The following LRRC7 variants were observed in gnomAD, a reference collection of about 807,000 sequenced individuals.
LRRC7 encodes the protein leucine-rich repeat-containing protein 7.
A neutral mutation model predicts 175.7 loss-of-function variants in LRRC7; 23 were observed. That is an observed-to-expected ratio of 0.13 (90% CI 0.09 to 0.19). LRRC7 has a LOEUF of 0.19. Among genes scored for constraint, LRRC7 ranks in the 10% least tolerant of loss-of-function variants. The pLI, the probability that LRRC7 is intolerant of heterozygous loss-of-function variation, is 1.00. For synonymous variants in LRRC7, 685 were observed against 680.9 expected, an observed-to-expected ratio of 1.01 and a Z score of -0.09; for missense variants, 1,354 against 1,904.7, an observed-to-expected ratio of 0.71 and a Z score of 5.38.
intron 23 of LRRC7, among the ~76,000 whole-genome samples, chr1:70,055,394 G>A (rs140326345): frequency 3.8e-4 from 58 of 152,304 alleles, no homozygotes; most frequent in Middle Eastern, 6.8e-3. Context: ...ATGAATTAGT[G>A]AGGAGAAAGA....
chr1:69,990,954 T>C (rs1303238512), intron 10 of LRRC7, among the ~76,000 whole-genome samples: 1 of 152,058 alleles, frequency 6.6e-6, no homozygotes, highest in Admixed American at 6.6e-5. Flanking sequence ...ATAGAGTTGG[T>C]TACCAGACTG....
intron 4 of LRRC7, among the ~76,000 whole-genome samples, chr1:69,797,525 C>G (rs2101081506): frequency 6.6e-6 from 1 of 152,318 alleles, no homozygotes; most frequent in Middle Eastern, 3.4e-3. Context: ...AATTCATTCT[C>G]TTCTTCAACT....
At chr1:69,814,255 A>C (rs1027698537) in intron 4 of LRRC7, among the ~76,000 whole-genome samples, 1 of 152,270 alleles carries the variant, frequency 6.6e-6, no homozygotes, top group Non-Finnish European at 1.5e-5. Flanking sequence ...CCCATTAGAT[A>C]TTTAAATAAA....
chr1:69,608,852 CTCTCTCTCTCTCTCTATATA>C (rs1279502624), intron 1 of LRRC7, among the ~76,000 whole-genome samples: 1,510 of 43,296 alleles, frequency 0.035, 4 homozygotes, highest in Admixed American at 0.056. Context: ...CTCTCTCTCT[CTCTCTCTCTCTCTCTATATA>C]TATATATATA....
intron 2 of LRRC7, among the ~76,000 whole-genome samples, chr1:69,744,490 G>C (rs1237641832): frequency 6.6e-6 from 1 of 151,846 alleles, no homozygotes; most frequent in East Asian, 1.9e-4. Context: ...TCTGTAGCTT[G>C]TTTTGTTCTC....
intron 2 of LRRC7, among the ~76,000 whole-genome samples, chr1:69,706,042 T>C (rs1367229227): frequency 1.3e-5 from 2 of 152,298 alleles, no homozygotes; most frequent in East Asian, 1.9e-4. Flanking sequence ...CTTTTCGTAA[T>C]TTCTTTGCTG....
chr1:69,956,333 A>G (rs1157719128), intron 8 of LRRC7, among the ~76,000 whole-genome samples: 2 of 151,792 alleles, frequency 1.3e-5, no homozygotes, highest in Non-Finnish European at 2.9e-5. Flanking sequence ...TCTTCTCCAC[A>G]CCCACACTCA....
intron 1 of LRRC7, among the ~76,000 whole-genome samples, chr1:69,615,811 A>C (rs969631036): frequency 6.6e-6 from 1 of 152,168 alleles, no homozygotes; most frequent in Admixed American, 6.6e-5. Context: ...AAGATTAAAA[A>C]ATGTATACAG....
At chr1:69,639,554 G>C (rs1368819620) in intron 1 of LRRC7, among the ~76,000 whole-genome samples, 1 of 151,768 alleles carries the variant, frequency 6.6e-6, no homozygotes, top group Non-Finnish European at 1.5e-5. Context: ...GAAGACAGGA[G>C]CCTTCCTGTA....
At chr1:69,819,965 G>GT (rs1325724696) in intron 4 of LRRC7, among the ~76,000 whole-genome samples, 1 of 151,870 alleles carries the variant, frequency 6.6e-6, no homozygotes, top group East Asian at 1.9e-4. Flanking sequence ...GTTGGGTCAT[G>GT]TTTTTTTCAC....
intron 7 of LRRC7, among the ~76,000 whole-genome samples, chr1:69,888,915 A>C (rs938778862): frequency 6.6e-6 from 1 of 152,162 alleles, no homozygotes; most frequent in Non-Finnish European, 1.5e-5. Flanking sequence ...AAGTACAGTC[A>C]TACCTCAGAG....
rs140980991 is a variant in LRRC7 at position 69,632,948 on chromosome 1, T to C, written c.3-45433T>C. Among the ~76,000 whole-genome samples the C allele has an allele frequency of 8.4e-3, 1,283 of 152,260 alleles. 10 individuals are homozygous for C. The highest frequency in any genetic ancestry group is 0.014 in the Non-Finnish European group (933 of 68,004). On this transcript the variant is annotated intron_variant, in intron 1 of 26. Transcript: ENST00000651989. ...TTTCCAAATAATTGAAAGTTTTTTC[T>C]TTCCTTTTTGCTTTGTATTAATACT...
At chr1:69,775,527 C>T (rs2100999778) in intron 3 of LRRC7, among the ~76,000 whole-genome samples, 1 of 152,292 alleles carries the variant, frequency 6.6e-6, no homozygotes, top group Admixed American at 6.5e-5. Flanking sequence ...CCACTCTTAA[C>T]TTGTTACAGA....
At chr1:69,660,021 A>T (rs1351374171) in intron 1 of LRRC7, among the ~76,000 whole-genome samples, 2 of 152,072 alleles carry the variant, frequency 1.3e-5, no homozygotes, top group East Asian at 1.9e-4. Flanking sequence ...AACTGAATTT[A>T]AAAAATCTTT....
chr1:69,604,796 T>C (rs991803217), intron 1 of LRRC7, among the ~76,000 whole-genome samples: 1 of 152,142 alleles, frequency 6.6e-6, no homozygotes, highest in Non-Finnish European at 1.5e-5. Flanking sequence ...TTAAGATTTG[T>C]AAGATAAGAA....
chr1:70,006,521 C>A (rs572029490), intron 11 of LRRC7, among the ~76,000 whole-genome samples: 2 of 151,704 alleles, frequency 1.3e-5, no homozygotes, highest in Non-Finnish European at 2.9e-5. Context: ...GTTTTTCCTA[C>A]TGAATTATCA....
At chr1:69,582,420 T>C (rs1469141447) in intron 1 of LRRC7, among the ~76,000 whole-genome samples, 1 of 151,650 alleles carries the variant, frequency 6.6e-6, no homozygotes, top group African/African-American at 2.4e-5. Context: ...GGGAGCAGCC[T>C]TCATCTCAGA....
chr1:70,059,570 C>T (rs1661422921), intron 23 of LRRC7, among the ~76,000 whole-genome samples: 1 of 150,894 alleles, frequency 6.6e-6, no homozygotes, highest in South Asian at 2.1e-4. Flanking sequence ...ACCCCAACCC[C>T]AAATTGTCAT....
At chr1:69,976,839 C>T (rs557064451) in intron 8 of LRRC7, among the ~76,000 whole-genome samples, 1 of 145,712 alleles carries the variant, frequency 6.9e-6, no homozygotes, top group South Asian at 2.3e-4. Context: ...CCTTGGAGAG[C>T]TCATTCACGT....
Sources: gnomAD v4.1 joint callset for allele counts (sites outside exome capture counted in the v4.1 genomes callset) on GRCh38, gnomAD v4.1.1 for gene constraint, MANE v1.5 for transcripts, NCBI Gene and HGNC (gene_info 2026-07-23, HGNC 2026-07-21) for gene names.